The following ACVR1B variants were observed in gnomAD, a reference collection of about 807,000 sequenced individuals.
The protein encoded by ACVR1B is activin receptor type-1B.
ACVR1B carries 15 observed loss-of-function variants against 55.6 expected under a neutral mutation model. That is an observed-to-expected ratio of 0.27 (90% CI 0.18 to 0.42). The LOEUF (loss-of-function observed/expected upper bound fraction) is 0.42. Among genes scored for constraint, ACVR1B ranks in the 10% least tolerant of loss-of-function variants. The probability of loss-of-function intolerance (pLI) is 1.00; values close to 1 mark genes in which losing one functional copy is unlikely to be tolerated. For missense variants in ACVR1B, 359 were observed against 670.1 expected, an observed-to-expected ratio of 0.54 and a Z score of 5.13; for synonymous variants, 247 against 254.6, an observed-to-expected ratio of 0.97 and a Z score of 0.28.
rs750811429 is a variant in ACVR1B at position 51,991,848 on chromosome 12, T to C, written c.1262-15T>C. 1.9e-6 allele frequency: 3 copies of C among 1,611,016 alleles called. No homozygotes were observed. Among genetic ancestry groups the C allele is most frequent in the Non-Finnish European group, 2.5e-6 (3 of 1,178,112 alleles). On this transcript the variant is annotated splice_polypyrimidine_tract_variant and intron_variant, in intron 7 of 8. Transcript: ENST00000257963. The stretch of plus-strand genomic sequence containing the variant: ...TGCTGTTGATAACTCAGGTAGATAC[T>C]TTCTTTTCTCCCAGGAGTCCATGAA...
rs763103664 is a variant in ACVR1B, at chr12:51,991,964, A to G, written c.1363A>G (p.Asn455Asp). 1 of 1,614,206 alleles carries G rather than the reference A, an allele frequency of 6.2e-7. No homozygotes were observed. The highest frequency in any genetic ancestry group is 1.1e-5 in the South Asian group (1 of 91,086). The change falls in exon 8 of 9, where the codon AAC (asparagine) becomes GAC (aspartate). Residue 455 changes from asparagine to aspartate, a missense_variant. By Grantham distance (23) the Asn-to-Asp change is conservative. Transcript: ENST00000257963. The part of the protein sequence containing the change: ...KVVCDQKLRP[N>D]IPNWWQSYEA... Reference sequence around the variant, plus strand: ...TGTATGTGATCAGAAGCTGCGTCCCAACATCCCCAACTGGTGGCAGAGTTA... The same window carrying G: ...TGTATGTGATCAGAAGCTGCGTCCCGACATCCCCAACTGGTGGCAGAGTTA...
chr12:51,978,474 AT>A (rs2120635828), intron 3 of ACVR1B, among the ~76,000 whole-genome samples: 1 of 152,322 alleles, frequency 6.6e-6, no homozygotes, highest in Non-Finnish European at 1.5e-5. Flanking sequence ...ATGACTTTCA[AT>A]TCATTTAAAT....
intron 4 of ACVR1B, chr12:51,982,893 T>G: frequency 7.5e-7 from 1 of 1,335,218 alleles, no homozygotes; most frequent in South Asian, 1.8e-5. Context: ...TGTCTTCTCT[T>G]TGAACTTGTT....
chr12:51,976,664 C>T, intron 3 of ACVR1B, 89 bp downstream of exon 3: 13 of 1,522,202 alleles, frequency 8.5e-6, no homozygotes, highest in Non-Finnish European at 1.2e-5. Context: ...GCTGGAGGCC[C>T]TGCATTTGTT....
At chr12:51,992,616 C>T (rs892610921) in intron 8 of ACVR1B, among the ~76,000 whole-genome samples, 6 of 152,166 alleles carry the variant, frequency 3.9e-5, no homozygotes, top group Admixed American at 3.3e-4. Context: ...CTCTGGAGCC[C>T]GAGCTGAGCT....
chr12:51,984,120 T>C lies in ACVR1B; in HGVS notation c.933T>C (p.Ala311=). The change falls in exon 5 of 9, where the codon GCT becomes GCC. Residue 311 remains alanine, a synonymous_variant. Transcript: ENST00000257963. ...GGATGATTAAGCTGGCCTTGTCTGC[T>C]GCTAGTGGGCTGGCACACCTGCACA... The part of the protein sequence containing the change: ...IEGMIKLALS[A]ASGLAHLHME... 1 of 1,614,206 alleles carries C rather than the reference T, an allele frequency of 6.2e-7. No individual in the cohort carries two copies. Among genetic ancestry groups the C allele is most frequent in the Non-Finnish European group, 8.5e-7 (1 of 1,180,034 alleles).
chr12:51,981,781 G>A (rs1167658320), intron 4 of ACVR1B, among the ~76,000 whole-genome samples: 1 of 151,942 alleles, frequency 6.6e-6, no homozygotes, highest in Non-Finnish European at 1.5e-5. Flanking sequence ...GCAGTGAGCT[G>A]GAGGTTGCAG....
chr12:51,962,651 T>C (rs1941557633), intron 1 of ACVR1B, among the ~76,000 whole-genome samples: 1 of 152,202 alleles, frequency 6.6e-6, no homozygotes, highest in Non-Finnish European at 1.5e-5. Flanking sequence ...ACACATTGCC[T>C]CTATTTTGTG....
chr12:51,983,944 C>T (rs1592258314), intron 4 of ACVR1B, 55 bp from the exon 5 acceptor site: 1 of 1,593,142 alleles, frequency 6.3e-7, no homozygotes, highest in African/African-American at 1.3e-5. Context: ...TACCAACCTT[C>T]ACTGTTTTGC....
At chr12:51,972,359 C>T (rs188107494) in intron 1 of ACVR1B, among the ~76,000 whole-genome samples, 2 of 152,300 alleles carry the variant, frequency 1.3e-5, no homozygotes, top group East Asian at 3.9e-4. Context: ...ATGGTAGTCC[C>T]ATAAGATTAT....
rs1216043704 is a variant in ACVR1B, at chr12:51,985,185, C to T, written c.980-7C>T. The stretch of plus-strand genomic sequence containing the variant: ...TTTGTAAAGATCCCTGTTTTTTTCT[C>T]TGCCAGGGAAGCCTGGAATTGCTCA... On this transcript the variant is annotated splice_region_variant and splice_polypyrimidine_tract_variant and intron_variant, in intron 5 of 8. Transcript: ENST00000257963. 7 of 1,598,444 alleles carry T rather than the reference C, an allele frequency of 4.4e-6. No individual in the cohort carries two copies. In the Admixed American group the frequency reaches 5.3e-5, roughly 12 times the overall value.
intron 7 of ACVR1B, among the ~76,000 whole-genome samples, chr12:51,990,752 T>G (rs1668277875): frequency 6.6e-6 from 1 of 152,256 alleles, no homozygotes; most frequent in African/African-American, 2.4e-5. Context: ...ACATTTCTTG[T>G]CTACATGTTC....
chr12:51,965,245 C>T (rs1380364794), intron 1 of ACVR1B, among the ~76,000 whole-genome samples: 1 of 152,038 alleles, frequency 6.6e-6, no homozygotes, highest in Non-Finnish European at 1.5e-5. Flanking sequence ...TAGAGGGGCT[C>T]TCAACCTCTA....
chr12:51,974,820 AAGCATTGC>A (rs1941815872), intron 1 of ACVR1B, among the ~76,000 whole-genome samples: 1 of 152,180 alleles, frequency 6.6e-6, no homozygotes, highest in Admixed American at 6.5e-5. Context: ...GGCAGGAAAA[AAGCATTGC>A]AGCAAAAGAA....
intron 3 of ACVR1B, among the ~76,000 whole-genome samples, chr12:51,977,487 A>G (rs1396730123): frequency 6.6e-6 from 1 of 152,010 alleles, no homozygotes; most frequent in Non-Finnish European, 1.5e-5. Context: ...AGTAGAGACA[A>G]GGTTTCGCCA....
At chr12:51,993,832 T>TG (rs1942244021) in intron 8 of ACVR1B, among the ~76,000 whole-genome samples, 153 bp from the exon 9 acceptor site, 1 of 141,090 alleles carries the variant, frequency 7.1e-6, no homozygotes, top group South Asian at 2.3e-4. Flanking sequence ...AAGGGAGCCT[T>TG]GCAGAGCATT....
At chr12:51,984,749 A>G (rs1592258916) in intron 5 of ACVR1B, among the ~76,000 whole-genome samples, 1 of 152,176 alleles carries the variant, frequency 6.6e-6, no homozygotes, top group Non-Finnish European at 1.5e-5. Context: ...ATGGAAAATC[A>G]CCCGTGAAAG....
intron 2 of ACVR1B, 37 bp downstream of exon 2, chr12:51,975,541 T>C (rs771461087): frequency 1.5e-5 from 24 of 1,595,634 alleles, no homozygotes; most frequent in Non-Finnish European, 1.9e-5. Flanking sequence ...TGGCTCAGCT[T>C]GGAGATAGGG....
At position 51,972,610 on chromosome 12, in the gene ACVR1B, C is replaced by T. The variant is rs114093748; in HGVS notation, c.92-2655C>T. On this transcript the variant is annotated intron_variant, in intron 1 of 8. Coordinates refer to ENST00000257963, the MANE Select transcript of ACVR1B (RefSeq NM_004302.5). ...CACTTTACAGATTAGGAAACGGGTG[C>T]GAGAAGGTTAATACCTTGCTCAAGG... Among the ~76,000 whole-genome samples, 323 of 152,250 alleles carry T rather than the reference C, an allele frequency of 2.1e-3. 5 individuals are homozygous for T. Among genetic ancestry groups the T allele is most frequent in the African/African-American group, 7.2e-3 (301 of 41,548 alleles).
Sources: allele counts gnomAD v4.1 joint callset (sites outside exome capture counted in the v4.1 genomes callset), GRCh38; gene constraint gnomAD v4.1.1; transcripts MANE v1.5; gene names NCBI Gene and HGNC (gene_info 2026-07-23, HGNC 2026-07-21).